Variants in ICAM3 observed in about 807,000 individuals in gnomAD.
The protein encoded by ICAM3 is intercellular adhesion molecule 3, also known as ICAM-3.
In ICAM3, 54 loss-of-function variants were observed where a neutral mutation model predicts 43.6. The ratio of observed to expected loss-of-function variants is 1.24; its 90% CI spans 0.99 to 1.55. The LOEUF (loss-of-function observed/expected upper bound fraction) is 1.55. Ranked by LOEUF, ICAM3 falls within the 40% of genes most tolerant of loss-of-function variation. The pLI is 0.00. For missense variants in ICAM3, 715 were observed against 717.9 expected, an observed-to-expected ratio of 1.00 and a Z score of 0.05; for synonymous variants, 306 against 312.6, an observed-to-expected ratio of 0.98 and a Z score of 0.22.
Position 10,335,062 on chromosome 19 carries a change from T to C in ICAM3, c.937+4A>G. On this transcript the variant is annotated splice_donor_region_variant and intron_variant, in intron 4 of 6. Transcript: ENST00000160262. ...CCGCGCCCCCTTCCCACGCCTCCTC[T>C]TACTAAAGACCGTCAAGTTCTCCCG... 1 of 1,610,546 alleles carries C rather than the reference T, an allele frequency of 6.2e-7. No homozygotes were observed. The highest frequency in any genetic ancestry group is 8.5e-7 in the Non-Finnish European group (1 of 1,177,750).
At position 10,335,285 on chromosome 19, in the gene ICAM3, C is replaced by A. The variant is rs753485834; in HGVS notation, c.718G>T (p.Asp240Tyr). ...GGAAAAAGCCCGTCTAGGGTGCAGT[C>A]CACCGGCCACGACGTTTCCACCTCC... ...FLEVETSWPV[D>Y]CTLDGLFPAS... The change falls in exon 4 of 7, where the codon GAC becomes TAC. Residue 240 changes from aspartate to tyrosine, a missense_variant. Transcript: ENST00000160262. 38 of 1,612,990 alleles carry A rather than the reference C, an allele frequency of 2.4e-5. No homozygotes were observed. The highest frequency in any genetic ancestry group is 3.1e-5 in the Non-Finnish European group (36 of 1,179,934).
chr19:10,339,421 G>T, intron 1 of ICAM3, 118 bp downstream of exon 1: 1 of 862,486 alleles, frequency 1.2e-6, no homozygotes, highest in Non-Finnish European at 1.9e-6. Context: ...AGGATACAGA[G>T]TCAGCGGCCA....
intron 2 of ICAM3, 110 bp downstream of exon 2, chr19:10,338,572 G>T: frequency 1.0e-6 from 1 of 972,564 alleles, no homozygotes; most frequent in Non-Finnish European, 1.6e-6. Context: ...CTCTGGGTCA[G>T]AACTGTGGTC....
At chr19:10,336,720 C>T (rs908105818) in intron 2 of ICAM3, among the ~76,000 whole-genome samples, 2 of 149,468 alleles carry the variant, frequency 1.3e-5, no homozygotes, top group Non-Finnish European at 3.0e-5. Flanking sequence ...GCACAAGAAT[C>T]GCTTGAACCC....
At chr19:10,336,520 C>T (rs2040599405) in intron 2 of ICAM3, among the ~76,000 whole-genome samples, 3 of 151,976 alleles carry the variant, frequency 2.0e-5, no homozygotes, top group Admixed American at 1.3e-4. Context: ...AACGCTGGGC[C>T]TCAGGCCGGG....
In ICAM3 at chr19:10,338,532, G is replaced by T. The variant is rs2040621580; in HGVS notation, c.343+150C>A. On this transcript the variant is annotated intron_variant, in intron 2 of 6. Transcript: ENST00000160262. ...TGTGTCTCTGTCTCTGTCTATCTTT[G>T]TATCTCACACACAAATGTCCAGGTC... The T allele has an allele frequency of 4.9e-5, 32 of 658,902 alleles. No homozygotes were observed. In the East Asian group the frequency reaches 8.4e-4, roughly 17 times the overall value. The allele number at this position is 658,902 out of a possible 1,614,324, so 40.8% of individuals were successfully genotyped here.
At position 10,338,938 on chromosome 19, in the gene ICAM3, C is replaced by T. The variant is rs1393355243; in HGVS notation, c.87G>A (p.Gly29=). 2.5e-6 allele frequency: 4 copies of T among 1,613,692 alleles called. No individual in the cohort carries two copies. The highest frequency in any genetic ancestry group is 2.2e-5 in the East Asian group (1 of 44,900). ...GCTCCACCCGCAAAAGGAACTCCTGCCCCTGGACACCTTCAGGAACATGAA... is the reference window on the plus strand; with the variant it reads ...GCTCCACCCGCAAAAGGAACTCCTGTCCCTGGACACCTTCAGGAACATGAA... ...VCCLLTPGVQ[G]QEFLLRVEPQ... is the part of the protein sequence containing the mutation. The change falls in exon 2 of 7, where the codon GGG becomes GGA. Residue 29 remains glycine, a synonymous_variant. Coordinates refer to ENST00000160262, the MANE Select transcript of ICAM3 (RefSeq NM_002162.5).
rs1312024176 is a variant in ICAM3 at position 10,335,358 on chromosome 19, G to A, written c.650-5C>T. 6.3e-7 allele frequency: 1 copy of A among 1,592,988 alleles called. No homozygotes were observed. Among genetic ancestry groups the A allele is most frequent in the Non-Finnish European group, 8.5e-7 (1 of 1,173,126 alleles). ...GCGGGGGGGTCACGGGCAGGACTGG[G>A]GAGAAAGGTGGGCATAGTACAACCC... On this transcript the variant is annotated splice_polypyrimidine_tract_variant and splice_region_variant and intron_variant, in intron 3 of 6. Transcript: ENST00000160262.
In ICAM3 at chr19:10,333,980, CA is replaced by C. The variant is rs1407290739; in HGVS notation, c.1520del (p.Met507SerfsTer?). 2.5e-6 allele frequency: 4 copies of C among 1,614,014 alleles called. No homozygotes were observed. In the African/African-American group the frequency reaches 5.3e-5, roughly 22 times the overall value. ...LGVVTIVLAL[M>X]YVFREHQRSG... ...TCCGTTGGTGCTCCCTGAAGACGTA[CA>C]TTAAGGCCAGTACGATAGTCACCAC... is the stretch of plus-strand genomic sequence containing the variant. On this transcript the variant is annotated frameshift_variant, in exon 7 of 7. Transcript: ENST00000160262. LOFTEE classifies it low-confidence loss of function (END_TRUNC). The surrounding 1 kb of genome is among the most constrained non-coding windows in gnomAD (Gnocchi z 4.2).
At chr19:10,336,804 C>CAAA (rs34119863) in intron 2 of ICAM3, among the ~76,000 whole-genome samples, 21 of 78,984 alleles carry the variant, frequency 2.7e-4, no homozygotes, top group African/African-American at 5.6e-4. Flanking sequence ...GACTCTATGT[C>CAAA]AAAAAAAAAA....
In ICAM3 at chr19:10,338,867, C is replaced by T. The variant is rs780961092; in HGVS notation, c.158G>A (p.Cys53Tyr). Residue 53 changes from cysteine to tyrosine, a missense_variant, in exon 2 of 7, where the codon TGC becomes TAC. Coordinates refer to ENST00000160262, the MANE Select transcript of ICAM3 (RefSeq NM_002162.5). The part of the protein sequence containing the change: ...LSAGGSLFVN[C>Y]STDCPSSEKI... ...CTCAGAGCTGGGACAATCAGTACTG[C>T]AGTTCACAAACAGGGACCCTCCAGC... is the stretch of plus-strand genomic sequence containing the variant. 1 of 1,614,144 alleles carries T rather than the reference C, an allele frequency of 6.2e-7. No individual in the cohort carries two copies. The highest frequency in any genetic ancestry group is 1.1e-5 in the South Asian group (1 of 91,092).
rs2040593043 is a variant in ICAM3 at position 10,335,873 on chromosome 19, G to T, written c.447C>A (p.Ser149Arg). 6.2e-7 allele frequency: 1 copy of T among 1,607,864 alleles called. No homozygotes were observed. Among genetic ancestry groups the T allele is most frequent in the East Asian group, 2.2e-5 (1 of 44,756 alleles). Residue 149 changes from serine to arginine, a missense_variant, in exon 3 of 7, where the codon AGC becomes AGA. Ser to Arg is a moderately radical substitution (Grantham distance 110). Coordinates refer to ENST00000160262, the MANE Select transcript of ICAM3 (RefSeq NM_002162.5). Reference protein sequence around the residue: ...CQVEDGSPRTSLTVVLLRWEE... With the variant: ...CQVEDGSPRTRLTVVLLRWEE... ...CCCAGCGAAGCAGCACCACCGTGAG[G>T]CTGGTCCGGGGCGACCCATCCTCCA... is the stretch of plus-strand genomic sequence containing the variant.
At chr19:10,337,112 A>G (rs1218051145) in intron 2 of ICAM3, among the ~76,000 whole-genome samples, 3 of 151,474 alleles carry the variant, frequency 2.0e-5, no homozygotes, top group Non-Finnish European at 2.9e-5. Context: ...CTGCGTCTCA[A>G]AGAAAAGAAA....
chr19:10,336,131 C>T lies in ICAM3; in HGVS notation c.344-155G>A. On this transcript the variant is annotated intron_variant, in intron 2 of 6. Transcript: ENST00000160262. ...AGAGCTGGGCCAGTCGAAGCGTTTG[C>T]TATTATCATTAGCGCAGTGATTATC... is the stretch of plus-strand genomic sequence containing the variant. 6.1e-6 allele frequency: 4 copies of T among 652,696 alleles called. No homozygotes were observed. The South Asian group carries it at 7.9e-5, about 13-fold the overall frequency. 40.4% of individuals were successfully genotyped at this position (652,696 alleles called of 1,614,324 possible). A position where few individuals can be genotyped will look rare whatever the true frequency, so the allele number is the denominator to read the frequency against.
chr19:10,335,907 C>T lies in ICAM3; in HGVS notation c.413G>A (p.Arg138His). 3 of 1,595,200 alleles carry T rather than the reference C, an allele frequency of 1.9e-6. No homozygotes were observed. The highest frequency in any genetic ancestry group is 2.6e-6 in the Non-Finnish European group (3 of 1,174,900). ...WQPVGQNFTL[R>H]CQVEDGSPRT... ...GGGCGACCCATCCTCCACTTGGCAG[C>T]GCAGGGTGAAGTTCTGGCCCACCGG... The change falls in exon 3 of 7, where the codon CGC becomes CAC. Residue 138 changes from arginine (R) to histidine (H), a missense_variant. Transcript: ENST00000160262.
At chr19:10,338,147 T>TA (rs1434406933) in intron 2 of ICAM3, among the ~76,000 whole-genome samples, 1 of 150,482 alleles carries the variant, frequency 6.6e-6, no homozygotes, top group Non-Finnish European at 1.5e-5. Context: ...CCCATGCCTG[T>TA]AATCCCAGCA....
rs1423171571 is a variant in ICAM3 at position 10,334,778 on chromosome 19, G to A, written c.942C>T (p.Phe314=). 2.5e-6 allele frequency: 4 copies of A among 1,588,486 alleles called. No individual in the cohort carries two copies. The African/African-American group carries it at 4.0e-5, about 16-fold the overall frequency. Residue 314 remains phenylalanine (F), a synonymous_variant, in exon 5 of 7, where the codon TTC becomes TTT. Transcript: ENST00000160262. The surrounding 1 kb of genome is among the most constrained non-coding windows in gnomAD (Gnocchi z 5.5). ...EARENLTVFS[F]LGPIVNLSEP... ...CGCTGAGGTTCACAATGGGTCCTAG[G>A]AAGCCTAAAGGCGGGGCATTGCCCA... is the stretch of plus-strand genomic sequence containing the variant.
chr19:10,335,690 G>C lies in ICAM3; in HGVS notation c.630C>G (p.Pro210=), dbSNP rs780833309. The C allele has an allele frequency of 1.9e-6, 3 of 1,605,600 alleles. No homozygotes were observed. Among genetic ancestry groups the C allele is most frequent in the African/African-American group, 2.7e-5 (2 of 74,864 alleles). The change falls in exon 3 of 7, where the codon CCC becomes CCG. Residue 210 remains proline (P), a synonymous_variant. Coordinates refer to ENST00000160262, the MANE Select transcript of ICAM3 (RefSeq NM_002162.5). ...GLGLFVNTSA[P]RQLRTFVLPV... ...TCTCACCAAAGGTTCGGAGCTGGCG[G>C]GGGGCTGAGGTGTTCACGAACAGTC...
chr19:10,335,798 A>G lies in ICAM3; in HGVS notation c.522T>C (p.Thr174=). 6.2e-7 allele frequency: 1 copy of G among 1,612,674 alleles called. No homozygotes were observed. Among genetic ancestry groups the G allele is most frequent in the Non-Finnish European group, 8.5e-7 (1 of 1,179,860 alleles). The change falls in exon 3 of 7, where the codon ACT becomes ACC. Residue 174 remains threonine (T), a synonymous_variant. Coordinates refer to ENST00000160262, the MANE Select transcript of ICAM3 (RefSeq NM_002162.5). ...QPAVEEPAEV[T]ATVLASRDDH... ...CGTCTCTGCTGGCCAGCACAGTGGC[A>G]GTGACCTCCGCTGGCTCCTCCACTG... is the stretch of plus-strand genomic sequence containing the variant.
Sources: allele counts gnomAD v4.1 joint callset (sites outside exome capture counted in the v4.1 genomes callset), GRCh38; gene constraint gnomAD v4.1.1; non-coding constraint Gnocchi (gnomAD v3.1); transcripts MANE v1.5; gene names NCBI Gene and HGNC (gene_info 2026-07-23, HGNC 2026-07-21).